TCP11L2: variants seen among roughly 807,000 people sequenced by gnomAD.
TCP11L2 encodes t-complex 11 like 2.
Under a neutral mutation model 50.7 loss-of-function variants are expected in TCP11L2, and 39 were observed. The ratio of observed to expected loss-of-function variants is 0.77; its 90% CI spans 0.60 to 1.01. The LOEUF (loss-of-function observed/expected upper bound fraction) is 1.01. Among genes scored for constraint, TCP11L2 ranks in the 50% least tolerant of loss-of-function variants. TCP11L2 has a pLI of 0.00. For synonymous variants in TCP11L2, 192 were observed against 219.3 expected (o/e 0.88, Z 1.10); for missense variants, 612 against 614.7 (o/e 1.00, Z 0.05).
intron 6 of TCP11L2, chr12:106,325,190 A>G (rs552546368): frequency 1.4e-4 from 22 of 152,312 alleles, no homozygotes; most frequent in African/African-American, 4.8e-4. Flanking sequence ...TGGCCTATGT[A>G]ACACACTTAA....
At chr12:106,299,594 C>T (rs1163114234), upstream of TCP11L2, among the ~76,000 whole-genome samples, 2 of 152,070 alleles carry the variant, frequency 1.3e-5, no homozygotes, top group Non-Finnish European at 1.5e-5. Context: ...CCAGACTGCA[C>T]GAACATGAAG....
rs906583500 is a variant in TCP11L2 at position 106,323,605 on chromosome 12, A to G, written c.731A>G (p.Tyr244Cys). The G allele has an allele frequency of 3.1e-6, 5 of 1,604,760 alleles. No homozygotes were observed. Among genetic ancestry groups the G allele is most frequent in the Non-Finnish European group, 1.7e-6 (2 of 1,175,772 alleles). The change falls in exon 6 of 10, where the codon TAT becomes TGT. Residue 244 changes from tyrosine to cysteine, a missense_variant. Tyr to Cys is a radical substitution (Grantham distance 194). Transcript: ENST00000299045. ...RPHLQRQLVEYERTKFQEILE... is the reference protein window; with the variant it reads ...RPHLQRQLVECERTKFQEILE... ...CACCTTCAACGCCAGTTGGTGGAAT[A>G]TGAGAGAACCAAGTTCCAGGAAATT... is the stretch of plus-strand genomic sequence containing the variant.
chr12:106,329,605 T>G, intron 6 of TCP11L2: 1 of 1,362,482 alleles, frequency 7.3e-7, no homozygotes, highest in South Asian at 1.8e-5. Context: ...AACTCTTTTT[T>G]TCCTTTTTAA....
In TCP11L2 at chr12:106,320,225, C is replaced by T. The variant is rs531503324; in HGVS notation, c.415-1261C>T. 3.3e-5 allele frequency among the ~76,000 whole-genome samples: 5 copies of T among 152,200 alleles called. No individual in the cohort carries two copies. The South Asian group carries it at 1.0e-3, about 32-fold the overall frequency. On this transcript the variant is annotated intron_variant, in intron 4 of 9. Coordinates refer to ENST00000299045, the MANE Select transcript of TCP11L2 (RefSeq NM_152772.3). ...ACCATCCTGGCCAACATGGTGACCC[C>T]ATCTGTAACTAAAAATACAAAAATT...
intron 5 of TCP11L2, among the ~76,000 whole-genome samples, chr12:106,322,279 T>A (rs2035368663): frequency 6.6e-6 from 1 of 152,090 alleles, no homozygotes; most frequent in Non-Finnish European, 1.5e-5. Flanking sequence ...TACAGTCCTC[T>A]CCATTCAGCT....
chr12:106,305,475 G>A (rs1565834771), intron 1 of TCP11L2, among the ~76,000 whole-genome samples: 1 of 152,302 alleles, frequency 6.6e-6, no homozygotes, highest in East Asian at 1.9e-4. Flanking sequence ...GCTTCCACCA[G>A]CAGCTTAAAA....
At chr12:106,321,270 A>G (rs1449911398) in intron 4 of TCP11L2, among the ~76,000 whole-genome samples, 1 of 152,110 alleles carries the variant, frequency 6.6e-6, no homozygotes. Context: ...GGAGTTTCCC[A>G]TGGTGGGGGC....
At chr12:106,303,376 G>A (rs999729711) in intron 1 of TCP11L2, 4 of 152,428 alleles carry the variant, frequency 2.6e-5, no homozygotes, top group African/African-American at 9.6e-5. Flanking sequence ...CGTGTGTTTG[G>A]GATTTGTTGC....
At chr12:106,320,905 T>G (rs1435811891) in intron 4 of TCP11L2, among the ~76,000 whole-genome samples, 2 of 152,160 alleles carry the variant, frequency 1.3e-5, no homozygotes, top group East Asian at 3.8e-4. Flanking sequence ...CTTCCCCAGT[T>G]TAACCTACCA....
At chr12:106,312,486 GACACCAGGGTACCT>G in intron 2 of TCP11L2, 6 of 1,011,672 alleles carry the variant, frequency 5.9e-6, no homozygotes, top group Non-Finnish European at 7.2e-6. Flanking sequence ...TGTTGCATCT[GACACCAGGGTACCT>G]AGGCATCCTG....
At chr12:106,318,576 ACT>A (rs2035192300) in intron 4 of TCP11L2, 112 bp downstream of exon 4, 1 of 1,356,910 alleles carries the variant, frequency 7.4e-7, no homozygotes, top group Non-Finnish European at 9.9e-7. Context: ...TTCTCACAGT[ACT>A]GGAGGCTGGG....
At chr12:106,314,537 G>GTA (rs2034994837) in intron 3 of TCP11L2, 44 bp downstream of exon 3, 2 of 403,854 alleles carry the variant, frequency 5.0e-6, no homozygotes, top group Non-Finnish European at 4.3e-6. Flanking sequence ...TGAAGATTCT[G>GTA]TGTGTGTGTG....
At chr12:106,330,858 A>G (rs2035724141) in intron 6 of TCP11L2, among the ~76,000 whole-genome samples, 1 of 152,180 alleles carries the variant, frequency 6.6e-6, no homozygotes, top group East Asian at 1.9e-4. Flanking sequence ...TTGTCATAGA[A>G]ACTGCTAGCA....
chr12:106,312,870 A>G (rs1172254378), intron 2 of TCP11L2, among the ~76,000 whole-genome samples: 1 of 152,076 alleles, frequency 6.6e-6, no homozygotes, highest in Non-Finnish European at 1.5e-5. Flanking sequence ...AGACAGAGCA[A>G]GACTCTGTCT....
chr12:106,316,612 C>T (rs1328439089), intron 3 of TCP11L2, among the ~76,000 whole-genome samples: 2 of 152,140 alleles, frequency 1.3e-5, no homozygotes, highest in Non-Finnish European at 1.5e-5. Flanking sequence ...TTCCCACCAT[C>T]CAGTGAAATC....
chr12:106,338,706 T>C (rs886121113), intron 8 of TCP11L2, among the ~76,000 whole-genome samples: 2 of 152,240 alleles, frequency 1.3e-5, no homozygotes, highest in Admixed American at 6.5e-5. Flanking sequence ...AGTTGAATGG[T>C]AGTTCTGTTT....
intron 2 of TCP11L2, 33 bp downstream of exon 2, chr12:106,311,265 G>T: frequency 6.2e-7 from 1 of 1,606,940 alleles, no homozygotes; most frequent in Non-Finnish European, 8.5e-7. Flanking sequence ...GTTGTGGGTG[G>T]CAGGGGTACT....
chr12:106,328,869 G>A (rs1565853847), intron 6 of TCP11L2, among the ~76,000 whole-genome samples: 1 of 152,192 alleles, frequency 6.6e-6, no homozygotes, highest in Non-Finnish European at 1.5e-5. Flanking sequence ...GATGTGGGCT[G>A]TAAACGTAGG....
chr12:106,307,500 C>G (rs2034679762), intron 1 of TCP11L2: 1 of 152,224 alleles, frequency 6.6e-6, no homozygotes, highest in Non-Finnish European at 1.5e-5. Context: ...GTTTCATTAT[C>G]ATCAGTCTAA....
Sources: allele counts gnomAD v4.1 joint callset (sites outside exome capture counted in the v4.1 genomes callset), GRCh38; gene constraint gnomAD v4.1.1; transcripts MANE v1.5; gene names NCBI Gene and HGNC (gene_info 2026-07-23, HGNC 2026-07-21).